Variants in CDH4 observed in about 807,000 individuals in gnomAD.
CDH4 encodes cadherin 4.
CDH4 carries 33 observed loss-of-function variants against 86.0 expected under a neutral mutation model. The ratio of observed to expected loss-of-function variants is 0.38; its 90% CI spans 0.29 to 0.51. CDH4 has a LOEUF of 0.51. Ranked by LOEUF, CDH4 falls within the 20% of genes least tolerant of loss-of-function variation. The probability of loss-of-function intolerance (pLI) is 0.86; values close to 1 mark genes in which losing one functional copy is unlikely to be tolerated. For missense variants in CDH4, 1,114 were observed against 1,307.4 expected, an observed-to-expected ratio of 0.85 and a Z score of 2.28; for synonymous variants, 555 against 549.4, an observed-to-expected ratio of 1.01 and a Z score of -0.14.
intron 2 of CDH4, among the ~76,000 whole-genome samples, chr20:61,255,883 G>T (rs930953428): frequency 6.6e-6 from 1 of 152,134 alleles, no homozygotes; most frequent in Admixed American, 6.5e-5. Context: ...ACTTGTTGAC[G>T]TGCCTTGTTG....
chr20:61,720,548 TAGGGGTGC>T (rs112465639), intron 2 of CDH4, among the ~76,000 whole-genome samples: 3,931 of 120,302 alleles, frequency 0.033, 214 homozygotes, highest in African/African-American at 0.12. Flanking sequence ...GTGCAGAGTG[TAGGGGTGC>T]AGGGGTGCAG....
intron 2 of CDH4, among the ~76,000 whole-genome samples, chr20:61,572,270 T>C (rs1409773954): frequency 1.3e-5 from 2 of 152,348 alleles, no homozygotes; most frequent in South Asian, 2.1e-4. Flanking sequence ...AGACTAATCA[T>C]AGATAGATAA....
chr20:61,436,800 CA>C (rs2085285296), intron 2 of CDH4, among the ~76,000 whole-genome samples: 1 of 152,336 alleles, frequency 6.6e-6, no homozygotes, highest in African/African-American at 2.4e-5. Context: ...TTCTGGCGAC[CA>C]GCCTCCCCAT....
chr20:61,858,787 C>T (rs1001912625), intron 6 of CDH4, among the ~76,000 whole-genome samples: 3 of 152,090 alleles, frequency 2.0e-5, no homozygotes, highest in Non-Finnish European at 2.9e-5. Flanking sequence ...CTGGGTGTAC[C>T]GCGGCTTATG....
intron 2 of CDH4, among the ~76,000 whole-genome samples, chr20:61,514,272 C>CA (rs1377335250): frequency 6.6e-6 from 1 of 151,090 alleles, no homozygotes; most frequent in Non-Finnish European, 1.5e-5. Flanking sequence ...AATTTTGGAA[C>CA]AAAAAATGGG....
chr20:61,580,634 C>T (rs533104491), intron 2 of CDH4, among the ~76,000 whole-genome samples: 102 of 83,792 alleles, frequency 1.2e-3, no homozygotes, highest in African/African-American at 3.1e-3. Context: ...TTCAGGTTGA[C>T]GCTCTAGGGG....
chr20:61,573,487 TG>T (rs1174110873), intron 2 of CDH4, among the ~76,000 whole-genome samples: 2 of 152,156 alleles, frequency 1.3e-5, no homozygotes, highest in African/African-American at 4.8e-5. Context: ...CATCCGGAAG[TG>T]GGGCATGGAG....
chr20:61,571,594 G>A (rs903882983), intron 2 of CDH4, among the ~76,000 whole-genome samples: 18 of 152,084 alleles, frequency 1.2e-4, no homozygotes, highest in Non-Finnish European at 2.6e-4. Context: ...GGTCCTCACC[G>A]CCCCTGCATT....
At chr20:61,253,180 C>T (rs2123108012) in intron 1 of CDH4, among the ~76,000 whole-genome samples, 1 of 151,408 alleles carries the variant, frequency 6.6e-6, no homozygotes, top group Non-Finnish European at 1.5e-5. Context: ...GAGCCCTCGG[C>T]GGGGCTGGAG....
At chr20:61,418,602 C>T (rs913005068) in intron 2 of CDH4, among the ~76,000 whole-genome samples, 1 of 152,188 alleles carries the variant, frequency 6.6e-6, no homozygotes, top group Non-Finnish European at 1.5e-5. Flanking sequence ...GATAATGGCA[C>T]TTGCTCTACA....
At chr20:61,505,866 C>T (rs932373497) in intron 2 of CDH4, among the ~76,000 whole-genome samples, 4 of 143,748 alleles carry the variant, frequency 2.8e-5, no homozygotes, top group African/African-American at 7.3e-5. Flanking sequence ...TGAAGGTCCA[C>T]GCAGTGTTTC....
chr20:61,626,612 G>T (rs958628220), intron 2 of CDH4, among the ~76,000 whole-genome samples: 5 of 152,196 alleles, frequency 3.3e-5, no homozygotes, highest in Non-Finnish European at 5.9e-5. Context: ...CATTCTGCTG[G>T]GTCAGGCCTT....
intron 3 of CDH4, among the ~76,000 whole-genome samples, chr20:61,747,155 A>G (rs1900175774): frequency 6.6e-6 from 1 of 152,184 alleles, no homozygotes; most frequent in Non-Finnish European, 1.5e-5. Flanking sequence ...GAAAGGACCC[A>G]CAGGGACCGG....
chr20:61,652,336 C>T (rs1030898114), intron 2 of CDH4, among the ~76,000 whole-genome samples: 23 of 128,192 alleles, frequency 1.8e-4, no homozygotes, highest in Admixed American at 1.4e-3. Context: ...TGGGACCGTA[C>T]CCTACATACT....
chr20:61,316,836 C>A (rs1308397439), intron 2 of CDH4, among the ~76,000 whole-genome samples: 1 of 152,042 alleles, frequency 6.6e-6, no homozygotes, highest in African/African-American at 2.4e-5. Context: ...TTTGTTTTAG[C>A]CATTTGTACA....
At chr20:61,682,540 G>A (rs1052337703) in intron 2 of CDH4, among the ~76,000 whole-genome samples, 2 of 152,076 alleles carry the variant, frequency 1.3e-5, no homozygotes, top group African/African-American at 2.4e-5. Flanking sequence ...TGAATACATG[G>A]ATAGGTGGAG....
chr20:61,699,677 A>G (rs1055668312), intron 2 of CDH4, among the ~76,000 whole-genome samples: 4 of 152,190 alleles, frequency 2.6e-5, no homozygotes, highest in Non-Finnish European at 4.4e-5. Context: ...CTGTGTCGTT[A>G]GCGTCAAAAG....
intron 4 of CDH4, among the ~76,000 whole-genome samples, chr20:61,790,851 C>T (rs1479709321): frequency 6.6e-6 from 1 of 150,970 alleles, no homozygotes; most frequent in East Asian, 1.9e-4. Flanking sequence ...ATTCATCTCT[C>T]TATCCATTCA....
At chr20:61,354,157 T>G (rs1245401870) in intron 2 of CDH4, among the ~76,000 whole-genome samples, 1 of 151,690 alleles carries the variant, frequency 6.6e-6, no homozygotes. Context: ...CCGACCGTCC[T>G]ACAGTGCTTA....
Sources: gnomAD v4.1 joint callset for allele counts (sites outside exome capture counted in the v4.1 genomes callset) on GRCh38, gnomAD v4.1.1 for gene constraint, MANE v1.5 for transcripts, NCBI Gene and HGNC (gene_info 2026-07-23, HGNC 2026-07-21) for gene names.